SEMA3A: variants seen among roughly 807,000 people sequenced by gnomAD.
The protein encoded by SEMA3A is semaphorin 3A, also known as semaphorin-3A.
Under a neutral mutation model 97.9 loss-of-function variants are expected in SEMA3A, and 29 were observed. The observed-to-expected ratio is 0.30, with a 90% CI of 0.22 to 0.40. SEMA3A has a LOEUF of 0.40. Ranked by LOEUF, SEMA3A falls within the 10% of genes least tolerant of loss-of-function variation. The probability of loss-of-function intolerance (pLI) is 1.00; values close to 1 mark genes in which losing one functional copy is unlikely to be tolerated. For synonymous variants in SEMA3A, 321 were observed against 323.7 expected, an observed-to-expected ratio of 0.99 and a Z score of 0.09; for missense variants, 763 against 951.3, an observed-to-expected ratio of 0.80 and a Z score of 2.60.
At chr7:84,305,689 T>G (rs953450240) in intron 3 of SEMA3A, among the ~76,000 whole-genome samples, 3 of 152,024 alleles carry the variant, frequency 2.0e-5, no homozygotes, top group African/African-American at 7.2e-5. Flanking sequence ...AAACAGATTT[T>G]AATTAGTACC....
At chr7:84,031,163 T>C (rs1791736379) in intron 6 of SEMA3A, among the ~76,000 whole-genome samples, 1 of 151,856 alleles carries the variant, frequency 6.6e-6, no homozygotes, top group Non-Finnish European at 1.5e-5. Context: ...TCGCTAGTTT[T>C]TTGTATTCTA....
chr7:84,265,330 G>C (rs1444109592), intron 3 of SEMA3A, among the ~76,000 whole-genome samples: 1 of 151,408 alleles, frequency 6.6e-6, no homozygotes, highest in East Asian at 1.9e-4. Flanking sequence ...CCCTGGAACT[G>C]CTCCTTAAAT....
At chr7:84,184,433 T>C (rs551855191) in intron 1 of SEMA3A, among the ~76,000 whole-genome samples, 14 of 152,248 alleles carry the variant, frequency 9.2e-5, no homozygotes, top group Non-Finnish European at 1.6e-4. Flanking sequence ...TAGCTTGAGA[T>C]TGATCTGCTA....
At chr7:84,040,432 A>G (rs2116485868) in intron 6 of SEMA3A, among the ~76,000 whole-genome samples, 1 of 152,202 alleles carries the variant, frequency 6.6e-6, no homozygotes, top group African/African-American at 2.4e-5. Context: ...TGAGCAAGCC[A>G]CACGCAAGTG....
chr7:84,281,254 T>C (rs1424152374), intron 3 of SEMA3A, among the ~76,000 whole-genome samples: 1 of 152,026 alleles, frequency 6.6e-6, no homozygotes, highest in Admixed American at 6.6e-5. Flanking sequence ...ATAATGAGGG[T>C]TGGATTGAGG....
chr7:84,114,989 GAATAGGC>G (rs1328102493), intron 3 of SEMA3A, among the ~76,000 whole-genome samples: 1 of 152,074 alleles, frequency 6.6e-6, no homozygotes, highest in Non-Finnish European at 1.5e-5. Context: ...TTTAAGTGAT[GAATAGGC>G]AGTTCTGTCC....
chr7:84,128,791 C>A (rs767255390), intron 3 of SEMA3A, among the ~76,000 whole-genome samples: 12 of 152,098 alleles, frequency 7.9e-5, no homozygotes, highest in Admixed American at 2.0e-4. Flanking sequence ...ATTTTTTGAG[C>A]ACCCACATGA....
intron 2 of SEMA3A, among the ~76,000 whole-genome samples, chr7:84,343,105 C>G (rs1020889162): frequency 6.6e-6 from 1 of 152,116 alleles, no homozygotes; most frequent in African/African-American, 2.4e-5. Context: ...GTTCCAAATG[C>G]TCAAACTAAG....
intron 3 of SEMA3A, among the ~76,000 whole-genome samples, chr7:84,274,361 A>T (rs533057857): frequency 1.2e-4 from 18 of 152,082 alleles, no homozygotes; most frequent in Admixed American, 2.0e-4. Flanking sequence ...CCTAACAATT[A>T]TTTCTCCCTC....
chr7:83,987,869 T>C (rs990303841), intron 12 of SEMA3A, among the ~76,000 whole-genome samples: 2 of 152,194 alleles, frequency 1.3e-5, no homozygotes, highest in Non-Finnish European at 2.9e-5. Flanking sequence ...TGCTTGCTCA[T>C]CTCTCATCCA....
intron 1 of SEMA3A, among the ~76,000 whole-genome samples, chr7:84,424,624 A>T (rs1315779778): frequency 6.3e-5 from 3 of 47,304 alleles, no homozygotes; most frequent in East Asian, 1.2e-3. Flanking sequence ...TATAATATAT[A>T]ATATATATAC....
chr7:84,385,137 A>T (rs2116154659), intron 1 of SEMA3A, among the ~76,000 whole-genome samples: 1 of 152,094 alleles, frequency 6.6e-6, no homozygotes, highest in Non-Finnish European at 1.5e-5. Flanking sequence ...CAGAACAGAT[A>T]CCATTAGAAA....
At chr7:84,157,848 A>G (rs994634397) in intron 1 of SEMA3A, among the ~76,000 whole-genome samples, 1 of 152,124 alleles carries the variant, frequency 6.6e-6, no homozygotes, top group Non-Finnish European at 1.5e-5. Flanking sequence ...AATGTATTCC[A>G]CTCAGAACTA....
At chr7:84,029,029 G>A (rs1348951794) in intron 6 of SEMA3A, among the ~76,000 whole-genome samples, 1 of 152,132 alleles carries the variant, frequency 6.6e-6, no homozygotes, top group Non-Finnish European at 1.5e-5. Flanking sequence ...TTTCTACCAT[G>A]GTGAATGAAT....
At chr7:84,154,952 C>T (rs1479151454) in intron 1 of SEMA3A, among the ~76,000 whole-genome samples, 2 of 151,962 alleles carry the variant, frequency 1.3e-5, no homozygotes, top group African/African-American at 2.4e-5. Flanking sequence ...TGGTTTATTT[C>T]GAGGCCAATT....
At chr7:84,102,080 C>G (rs566976573) in intron 4 of SEMA3A, among the ~76,000 whole-genome samples, 3 of 151,980 alleles carry the variant, frequency 2.0e-5, no homozygotes, top group Non-Finnish European at 4.4e-5. Flanking sequence ...TGCCTTTGAA[C>G]AGAGGTGTTC....
intron 3 of SEMA3A, among the ~76,000 whole-genome samples, chr7:84,246,085 C>G (rs1007000867): frequency 1.3e-5 from 2 of 152,196 alleles, no homozygotes; most frequent in African/African-American, 4.8e-5. Flanking sequence ...GGCAGTCTGG[C>G]TACAGCAGGA....
intron 4 of SEMA3A, among the ~76,000 whole-genome samples, chr7:84,061,508 A>G (rs999448322): frequency 6.6e-6 from 1 of 152,184 alleles, no homozygotes; most frequent in South Asian, 2.1e-4. Flanking sequence ...AAGAATATGT[A>G]TGCTTTTTCC....
chr7:84,405,281 A>T (rs1227799811), intron 1 of SEMA3A, among the ~76,000 whole-genome samples: 1 of 152,210 alleles, frequency 6.6e-6, no homozygotes, highest in Non-Finnish European at 1.5e-5. Flanking sequence ...ACCAACAAAG[A>T]TCAAAAGAGA....
Sources: allele counts gnomAD v4.1 joint callset (sites outside exome capture counted in the v4.1 genomes callset), GRCh38; gene constraint gnomAD v4.1.1; transcripts MANE v1.5; gene names NCBI Gene and HGNC (gene_info 2026-07-23, HGNC 2026-07-21).